Variants in BICRAL observed in about 807,000 individuals in gnomAD.
BICRAL encodes BRD4-interacting chromatin-remodeling complex-associated protein-like.
In BICRAL, 8 loss-of-function variants were observed where a neutral mutation model predicts 91.8. The observed-to-expected ratio is 0.09, with a 90% CI of 0.05 to 0.16. The LOEUF is 0.16. Among genes scored for constraint, BICRAL ranks in the 10% least tolerant of loss-of-function variants. The pLI is 1.00. For missense variants in BICRAL, 1,038 were observed against 1,310.9 expected, an observed-to-expected ratio of 0.79 and a Z score of 3.21; for synonymous variants, 445 against 491.1, an observed-to-expected ratio of 0.91 and a Z score of 1.24.
chr6:42,827,197 CT>C (rs980159280), intron 5 of BICRAL, among the ~76,000 whole-genome samples: 1 of 152,204 alleles, frequency 6.6e-6, no homozygotes, highest in African/African-American at 2.4e-5. Context: ...TAAATATTAA[CT>C]TACTATCATC....
At chr6:42,862,220 A>G (rs551547248) in intron 11 of BICRAL, among the ~76,000 whole-genome samples, 1 of 152,094 alleles carries the variant, frequency 6.6e-6, no homozygotes, top group Non-Finnish European at 1.5e-5. Context: ...GGTACAAAAT[A>G]AAGAAGTATA....
chr6:42,772,223 TA>T (rs1295760323), intron 1 of BICRAL, among the ~76,000 whole-genome samples: 6 of 131,802 alleles, frequency 4.6e-5, no homozygotes, highest in South Asian at 2.6e-4. Context: ...TAGGTTTAGA[TA>T]TTTTTTTTTC....
At chr6:42,747,766 T>C (rs1562444413) in intron 1 of BICRAL, among the ~76,000 whole-genome samples, 1 of 152,014 alleles carries the variant, frequency 6.6e-6, no homozygotes, top group Non-Finnish European at 1.5e-5. Context: ...TATGGGCAGA[T>C]TAGGTGAGGC....
At chr6:42,791,876 C>G (rs148365802) in intron 1 of BICRAL, among the ~76,000 whole-genome samples, 1 of 152,128 alleles carries the variant, frequency 6.6e-6, no homozygotes, top group Admixed American at 6.5e-5. Context: ...AGTGCTCTTA[C>G]GCAAACCAAT....
chr6:42,791,892 A>G (rs370835656), intron 1 of BICRAL, among the ~76,000 whole-genome samples: 30 of 152,356 alleles, frequency 2.0e-4, no homozygotes, highest in East Asian at 1.9e-3. Flanking sequence ...CCAATATGGT[A>G]TAACCTACCA....
chr6:42,833,091 T>G (rs998730982), intron 6 of BICRAL, among the ~76,000 whole-genome samples: 1 of 151,468 alleles, frequency 6.6e-6, no homozygotes, highest in Admixed American at 6.6e-5. Flanking sequence ...AGTCTCGCTC[T>G]GTTGCCCAGG....
Position 42,865,936 on chromosome 6 carries a change from G to GT in BICRAL, c.*497dup, listed in dbSNP as rs931209544. ...GGTTTTTTTATTATTATTATTTTGA[G>GT]TTTTTTTGTGTGTGTTTTGTTGTTA... On this transcript the variant is annotated 3_prime_UTR_variant, in exon 13 of 13. Transcript: ENST00000314073. 1.3e-5 allele frequency: 2 copies of GT among 152,654 alleles called. No individual in the cohort carries two copies. The highest frequency in any genetic ancestry group is 2.4e-5 in the African/African-American group (1 of 41,358). The allele number at this position is 152,654 out of a possible 1,614,324, so 9.5% of individuals were successfully genotyped here.
intron 6 of BICRAL, among the ~76,000 whole-genome samples, chr6:42,845,446 A>T (rs186152884): frequency 6.6e-6 from 1 of 151,166 alleles, no homozygotes; most frequent in South Asian, 2.1e-4. Context: ...ATGGCTCATC[A>T]AGGGACTTTG....
chr6:42,778,368 C>T (rs551371857), upstream of BICRAL, among the ~76,000 whole-genome samples: 100 of 152,312 alleles, frequency 6.6e-4, no homozygotes, highest in Non-Finnish European at 5.4e-4. Flanking sequence ...GACTGATGTT[C>T]CCAGGCAAAT....
At chr6:42,800,456 G>C (rs1451365210) in intron 1 of BICRAL, among the ~76,000 whole-genome samples, 1 of 152,086 alleles carries the variant, frequency 6.6e-6, no homozygotes, top group African/African-American at 2.4e-5. Flanking sequence ...CAGCCACCAC[G>C]CCCGGCCTTA....
rs752089078 is a variant in BICRAL, at chr6:42,822,036, A to G, written c.14A>G (p.Asp5Gly). 4 of 1,608,042 alleles carry G rather than the reference A, an allele frequency of 2.5e-6. No individual in the cohort carries two copies. The South Asian group carries it at 4.4e-5, about 18-fold the overall frequency. Residue 5 changes from aspartate (D) to glycine (G), a missense_variant, in exon 3 of 13, where the codon GAT becomes GGT. Transcript: ENST00000314073. MDDD[D>G]DSCLLDLIGD... ...TTTATAGTTGTCATGGATGATGATG[A>G]TGACTCGTGTCTCCTTGATCTTATT... is the stretch of plus-strand genomic sequence containing the variant.
At chr6:42,755,773 G>A (rs531909981) in intron 1 of BICRAL, among the ~76,000 whole-genome samples, 4 of 151,500 alleles carry the variant, frequency 2.6e-5, no homozygotes, top group South Asian at 2.1e-4. Flanking sequence ...GGGTTCAAGC[G>A]ATTCTCCTGC....
chr6:42,862,324 G>A (rs1765576288), intron 11 of BICRAL, among the ~76,000 whole-genome samples, 186 bp from the exon 12 acceptor site: 1 of 152,146 alleles, frequency 6.6e-6, no homozygotes, highest in African/African-American at 2.4e-5. Context: ...TAGGCAGGCA[G>A]ATGCCTCCAG....
rs759857620 is a variant in BICRAL at position 42,828,928 on chromosome 6, C to A, written c.595C>A (p.Gln199Lys). ...ACATGTGGGGATCAGTGTTCCCAGC[C>A]AGCATTTGTCTAATAGCAGTCAGAT... is the stretch of plus-strand genomic sequence containing the variant. ...MQHVGISVPSQHLSNSSQISG... is the reference protein window; with the variant it reads ...MQHVGISVPSKHLSNSSQISG... The change falls in exon 6 of 13, where the codon CAG (glutamine) becomes AAG (lysine). Residue 199 changes from glutamine to lysine, a missense_variant. By Grantham distance (53) the Gln-to-Lys change is moderately conservative (BLOSUM62 1). This residue lies in a region of BICRAL where 532 missense variants were observed against 724.9 expected (regional missense o/e 0.73). Coordinates refer to ENST00000314073, the MANE Select transcript of BICRAL (RefSeq NM_001393499.1). The A allele has an allele frequency of 1.9e-6, 3 of 1,614,030 alleles. No individual in the cohort carries two copies. The highest frequency in any genetic ancestry group is 2.5e-6 in the Non-Finnish European group (3 of 1,179,882).
At chr6:42,801,431 G>GT (rs998605775) in intron 1 of BICRAL, among the ~76,000 whole-genome samples, 2 of 152,054 alleles carry the variant, frequency 1.3e-5, no homozygotes, top group African/African-American at 4.8e-5. Flanking sequence ...TTACCATACT[G>GT]TATTTTAGTG....
Position 42,822,936 on chromosome 6 carries a change from G to A in BICRAL, c.92G>A (p.Ser31Asn), listed in dbSNP as rs1326372891. ...CCTATTGAATTTGTATCTTTGCAGAGCAATGATGACTTGACTAATGCAGGA... is the reference window on the plus strand; with the variant it reads ...CCTATTGAATTTGTATCTTTGCAGAACAATGATGACTTGACTAATGCAGGA... The part of the protein sequence containing the change: ...YFLHGPSNKS[S>N]NDDLTNAGYS... The change falls in exon 5 of 13, where the codon AGC becomes AAC. Residue 31 changes from serine (S) to asparagine (N), a missense_variant and splice_region_variant. Coordinates refer to ENST00000314073, the MANE Select transcript of BICRAL (RefSeq NM_001393499.1). 1.9e-6 allele frequency: 3 copies of A among 1,607,996 alleles called. No individual in the cohort carries two copies. The East Asian group carries it at 6.7e-5, about 36-fold the overall frequency.
rs1562482318 is a variant in BICRAL at position 42,828,994 on chromosome 6, A to G, written c.661A>G (p.Asn221Asp). The change falls in exon 6 of 13, where the codon AAT becomes GAT. Residue 221 changes from asparagine (N) to aspartate (D), a missense_variant. Physicochemically the swap from Asn to Asp is conservative, Grantham distance 23. Coordinates refer to ENST00000314073, the MANE Select transcript of BICRAL (RefSeq NM_001393499.1). The part of the protein sequence containing the change: ...GQIQLIGSFG[N>D]HPSMMTINNL... ...AATACAGTTAATTGGGTCATTTGGT[A>G]ATCATCCTTCCATGATGACTATTAA... 1.2e-6 allele frequency: 2 copies of G among 1,613,896 alleles called. No homozygotes were observed. Among genetic ancestry groups the G allele is most frequent in the African/African-American group, 2.7e-5 (2 of 74,904 alleles).
Position 42,790,528 on chromosome 6 carries a change from C to G in BICRAL, c.-102+8427C>G, listed in dbSNP as rs559498480. Reference sequence around the variant, plus strand: ...GTCAAATGGAAGTATGTAGCACCCCCCCCCCACCTTCTTTTCCCCTTTCTT... The same window carrying G: ...GTCAAATGGAAGTATGTAGCACCCCGCCCCCACCTTCTTTTCCCCTTTCTT... On this transcript the variant is annotated intron_variant, in intron 1 of 12. Transcript: ENST00000314073. Among the ~76,000 whole-genome samples the G allele has an allele frequency of 1.3e-3, 201 of 151,382 alleles. No individual in the cohort carries two copies. In the Middle Eastern group the frequency reaches 0.031, roughly 23 times the overall value.
chr6:42,815,226 G>A (rs967759842), intron 2 of BICRAL, among the ~76,000 whole-genome samples: 2 of 114,036 alleles, frequency 1.8e-5, no homozygotes, highest in Admixed American at 1.2e-4. Flanking sequence ...GTCTCGCTCT[G>A]TTGCCCAGGC....
Sources: allele counts gnomAD v4.1 joint callset (sites outside exome capture counted in the v4.1 genomes callset), GRCh38; gene constraint gnomAD v4.1.1; regional missense constraint gnomAD v4.1.1; transcripts MANE v1.5; gene names NCBI Gene and HGNC (gene_info 2026-07-23, HGNC 2026-07-21).